SMIM41: variants seen among roughly 807,000 people sequenced by gnomAD.
SMIM41 encodes small integral membrane protein 41.
chr12:52,087,945 C>A (rs1041822457), intron 2 of SMIM41, among the ~76,000 whole-genome samples: 1 of 152,232 alleles, frequency 6.6e-6, no homozygotes, highest in Non-Finnish European at 1.5e-5. Flanking sequence ...TTCCCCTGGG[C>A]TCCCTGCCCT....
At chr12:52,089,717 T>G (rs1006903619) in intron 2 of SMIM41, among the ~76,000 whole-genome samples, 2 of 152,272 alleles carry the variant, frequency 1.3e-5, no homozygotes, top group Non-Finnish European at 2.9e-5. Context: ...CTGGTGTCCC[T>G]TGGCTTGCAG....
chr12:52,096,460 C>T (rs1314063278), intron 2 of SMIM41, among the ~76,000 whole-genome samples: 2 of 151,860 alleles, frequency 1.3e-5, no homozygotes, highest in East Asian at 3.9e-4. Context: ...TGTACACCCA[C>T]TGTGGTATTA....
Position 52,079,807 on chromosome 12 carries a change from G to A in SMIM41, c.28G>A (p.Ala10Thr). 2.5e-6 allele frequency: 1 copy of A among 393,716 alleles called. No individual in the cohort carries two copies. Among genetic ancestry groups the A allele is most frequent in the Non-Finnish European group, 4.5e-6 (1 of 222,694 alleles). The allele number at this position is 393,716 out of a possible 1,614,324, so 24.4% of individuals were successfully genotyped here. A position where few individuals can be genotyped will look rare whatever the true frequency, so the allele number is the denominator to read the frequency against. The change falls in exon 1 of 3, where the codon GCT becomes ACT. Residue 10 changes from alanine to threonine, a missense_variant. Physicochemically the swap from Ala to Thr is moderately conservative, Grantham distance 58. Coordinates refer to ENST00000546390, the MANE Select transcript of SMIM41 (RefSeq NM_001369216.1). Reference sequence around the variant, plus strand: ...GAACGGCTCTCAGGCGGGCGCCGCGGCTCAGGCCGCCTGGCTGAGCTCCTG... The same window carrying A: ...GAACGGCTCTCAGGCGGGCGCCGCGACTCAGGCCGCCTGGCTGAGCTCCTG... MNGSQAGAAAQAAWLSSCCN... is the reference protein window; with the variant it reads MNGSQAGAATQAAWLSSCCN...
intron 2 of SMIM41, among the ~76,000 whole-genome samples, chr12:52,100,939 T>C (rs1179732614): frequency 1.3e-5 from 2 of 152,014 alleles, no homozygotes; most frequent in South Asian, 4.2e-4. Flanking sequence ...AATATTTGCT[T>C]TTTAGAAATT....
At chr12:52,104,308 CA>C (rs1940282962) in intron 2 of SMIM41, 1 of 153,144 alleles carries the variant, frequency 6.5e-6, no homozygotes, top group Admixed American at 6.6e-5. Context: ...TTGAGCCCCC[CA>C]GGCCATAGAA....
Position 52,080,152 on chromosome 12 carries a change from C to T in SMIM41, c.*91C>T. 2 of 339,434 alleles carry T rather than the reference C, an allele frequency of 5.9e-6. No individual in the cohort carries two copies. The highest frequency in any genetic ancestry group is 1.1e-5 in the Non-Finnish European group (2 of 188,044). The allele number at this position is 339,434 out of a possible 1,614,324, so 21.0% of individuals were successfully genotyped here. A position where few individuals can be genotyped will look rare whatever the true frequency, so the allele number is the denominator to read the frequency against. On this transcript the variant is annotated 3_prime_UTR_variant, in exon 1 of 3. Coordinates refer to ENST00000546390, the MANE Select transcript of SMIM41 (RefSeq NM_001369216.1). ...GCCCGACGGCTGCTGCGGTCCCGAC[C>T]CCTTACCCGAAGCGGCGCGCCCCAC...
At chr12:52,098,065 C>T (rs865970710) in intron 2 of SMIM41, among the ~76,000 whole-genome samples, 4 of 151,320 alleles carry the variant, frequency 2.6e-5, no homozygotes, top group Non-Finnish European at 5.9e-5. Context: ...TCACAGTGTG[C>T]GTGTACGCCT....
At chr12:52,105,917 A>G (rs1276891388) in intron 2 of SMIM41, among the ~76,000 whole-genome samples, 1 of 152,194 alleles carries the variant, frequency 6.6e-6, no homozygotes, top group Non-Finnish European at 1.5e-5. Context: ...TCTGAGACTC[A>G]GCACTCTCAT....
At chr12:52,099,139 T>C (rs143654076) in intron 2 of SMIM41, among the ~76,000 whole-genome samples, 100 of 152,090 alleles carry the variant, frequency 6.6e-4, no homozygotes, top group African/African-American at 2.4e-3. Context: ...CCCTGCGATA[T>C]TGGGAGTAAT....
intron 2 of SMIM41, among the ~76,000 whole-genome samples, chr12:52,089,588 C>T (rs368953098): frequency 4.4e-5 from 6 of 136,066 alleles, no homozygotes; most frequent in African/African-American, 1.8e-4. Flanking sequence ...GCAAGACCCC[C>T]GCCTTCAAAA....
chr12:52,102,963 C>T (rs1056625785), intron 2 of SMIM41, among the ~76,000 whole-genome samples: 12 of 152,174 alleles, frequency 7.9e-5, no homozygotes, highest in African/African-American at 2.4e-4. Context: ...CCCAAGGGTT[C>T]GTGGACAGAT....
chr12:52,089,467 G>A (rs1408253951), intron 2 of SMIM41, among the ~76,000 whole-genome samples: 4 of 152,130 alleles, frequency 2.6e-5, no homozygotes, highest in Non-Finnish European at 4.4e-5. Flanking sequence ...GCCGGGCATG[G>A]TGGTGCATGC....
At position 52,081,252 on chromosome 12, in the gene SMIM41, C is replaced by T. The variant is rs1939814992; in HGVS notation, c.*120+1071C>T. 6.6e-6 allele frequency among the ~76,000 whole-genome samples: 1 copy of T among 152,098 alleles called. No individual in the cohort carries two copies. The highest frequency in any genetic ancestry group is 1.5e-5 in the Non-Finnish European group (1 of 67,980). On this transcript the variant is annotated intron_variant, in intron 1 of 2. Transcript: ENST00000546390. This position sits in a 1 kb window ranked among gnomAD's most constrained non-coding sequence, Gnocchi z 4.1. ...TGTTTGTCAGGGGTGACTTTGGCCT[C>T]TCTTGCCCCCCCTCCCCCGATTCTG...
At chr12:52,094,930 C>G (rs1445473075) in intron 2 of SMIM41, 1 of 152,378 alleles carries the variant, frequency 6.6e-6, no homozygotes, top group East Asian at 1.9e-4. Flanking sequence ...CTGCCCACCC[C>G]TACACCCCTG....
chr12:52,095,353 A>AT (rs1420430153), intron 2 of SMIM41, among the ~76,000 whole-genome samples: 1 of 143,916 alleles, frequency 6.9e-6, no homozygotes, highest in African/African-American at 2.6e-5. Flanking sequence ...GAGTAATATC[A>AT]CCCCCCTCTC....
intron 2 of SMIM41, among the ~76,000 whole-genome samples, chr12:52,085,537 G>A (rs867043543): frequency 6.6e-6 from 1 of 152,140 alleles, no homozygotes; most frequent in Non-Finnish European, 1.5e-5. Context: ...GTGCGTTCCC[G>A]GCCTCCATGT....
chr12:52,082,302 G>T (rs1013298914), intron 1 of SMIM41, among the ~76,000 whole-genome samples: 14 of 152,272 alleles, frequency 9.2e-5, no homozygotes, highest in African/African-American at 3.4e-4. Flanking sequence ...GAAGGGCTGT[G>T]CCCCCAGCAT....
In SMIM41 at chr12:52,088,310, T is replaced by C. The variant is rs544371479; in HGVS notation, c.*195+4342T>C. On this transcript the variant is annotated intron_variant, in intron 2 of 2. Transcript: ENST00000546390. ...GAAAGCCTCTCCAAGGAGGTGACACTTGAGCTGAGACCTGGCCTGTGAGGT... is the reference window on the plus strand; with the variant it reads ...GAAAGCCTCTCCAAGGAGGTGACACCTGAGCTGAGACCTGGCCTGTGAGGT... Among the ~76,000 whole-genome samples, 9 of 152,312 alleles carry C rather than the reference T, an allele frequency of 5.9e-5. No homozygotes were observed. The South Asian group carries it at 1.2e-3, about 21-fold the overall frequency.
chr12:52,097,062 G>C (rs568612403), intron 2 of SMIM41, among the ~76,000 whole-genome samples: 1 of 152,006 alleles, frequency 6.6e-6, no homozygotes. Context: ...AATTTCGCAG[G>C]GGTCGTACAC....
Sources: gnomAD v4.1 joint callset for allele counts (sites outside exome capture counted in the v4.1 genomes callset) on GRCh38, gnomAD v4.1.1 for gene constraint, Gnocchi (gnomAD v3.1) non-coding constraint, MANE v1.5 for transcripts, NCBI Gene and HGNC (gene_info 2026-07-23, HGNC 2026-07-21) for gene names.